The following ULK4 variants were observed in gnomAD, a reference collection of about 807,000 sequenced individuals.
ULK4 encodes unc-51 like kinase 4.
ULK4 carries 133 observed loss-of-function variants against 160.6 expected under a neutral mutation model. The ratio of observed to expected loss-of-function variants is 0.83; its 90% confidence interval spans 0.72 to 0.96. The LOEUF (loss-of-function observed/expected upper bound fraction) is 0.96, where lower values mean the gene tolerates loss of function less well. Ranked by LOEUF, ULK4 falls within the 40% of genes least tolerant of loss-of-function variation. The pLI is 0.00. For synonymous variants in ULK4, 534 were observed against 539.8 expected (o/e 0.99, Z 0.15); for missense variants, 1,580 against 1,499.5 (o/e 1.05, Z -0.89).
At chr3:41,501,019 C>A (rs1005685685) in intron 32 of ULK4, among the ~76,000 whole-genome samples, 1 of 152,062 alleles carries the variant, frequency 6.6e-6, no homozygotes, top group Non-Finnish European at 1.5e-5. Flanking sequence ...CATCAATAGA[C>A]CTCAGGGCGA....
At chr3:41,392,402 G>A (rs1050983974) in intron 35 of ULK4, among the ~76,000 whole-genome samples, 1 of 152,110 alleles carries the variant, frequency 6.6e-6, no homozygotes, top group Non-Finnish European at 1.5e-5. Context: ...TGTAGTTTTA[G>A]AAAGTAATTG....
intron 22 of ULK4, among the ~76,000 whole-genome samples, chr3:41,730,737 C>CA (rs1351926803): frequency 3.3e-5 from 5 of 152,088 alleles, no homozygotes; most frequent in African/African-American, 1.2e-4. Context: ...AAATTGAAGA[C>CA]AAAGAAGTCT....
intron 35 of ULK4, among the ~76,000 whole-genome samples, chr3:41,313,920 G>A (rs1405654496): frequency 2.0e-5 from 3 of 152,176 alleles, no homozygotes; most frequent in Non-Finnish European, 2.9e-5. Context: ...GGGCTCTAGA[G>A]CTCGTGAGAT....
chr3:41,714,723 G>A (rs2037204674), intron 25 of ULK4, among the ~76,000 whole-genome samples: 1 of 151,976 alleles, frequency 6.6e-6, no homozygotes, highest in African/African-American at 2.4e-5. Flanking sequence ...ATAGAGAAAT[G>A]CCATCATAAG....
At chr3:41,528,431 G>A (rs116010465) in intron 32 of ULK4, among the ~76,000 whole-genome samples, 3,402 of 152,260 alleles carry the variant, frequency 0.022, 127 homozygotes, top group African/African-American at 0.076. Context: ...CTACTTGTAA[G>A]ATAATGTTTT....
At chr3:41,494,524 C>T (rs372225977) in intron 32 of ULK4, among the ~76,000 whole-genome samples, 4 of 151,180 alleles carry the variant, frequency 2.6e-5, no homozygotes, top group African/African-American at 9.7e-5. Context: ...TGGCACAAGA[C>T]AGGGATGCCC....
intron 35 of ULK4, among the ~76,000 whole-genome samples, chr3:41,344,160 A>G (rs1297184848): frequency 1.3e-5 from 2 of 152,156 alleles, no homozygotes; most frequent in Non-Finnish European, 2.9e-5. Context: ...AGAGAACTCA[A>G]AAACAAGACC....
intron 31 of ULK4, among the ~76,000 whole-genome samples, chr3:41,613,870 C>T (rs960715146): frequency 1.3e-5 from 2 of 152,166 alleles, no homozygotes; most frequent in Non-Finnish European, 2.9e-5. Flanking sequence ...GAGCACCATC[C>T]CTGACATGCC....
intron 16 of ULK4, among the ~76,000 whole-genome samples, chr3:41,893,939 T>C (rs1254505554): frequency 6.6e-6 from 1 of 152,176 alleles, no homozygotes; most frequent in Non-Finnish European, 1.5e-5. Context: ...AAAACGTCGC[T>C]GGAAGTGGCT....
intron 21 of ULK4, among the ~76,000 whole-genome samples, chr3:41,788,083 G>A (rs2040047819): frequency 6.6e-6 from 1 of 152,004 alleles, no homozygotes; most frequent in African/African-American, 2.4e-5. Flanking sequence ...GCAAAAACTA[G>A]ACACATAGAT....
At chr3:41,692,150 A>G (rs1267293755) in intron 27 of ULK4, among the ~76,000 whole-genome samples, 1 of 151,156 alleles carries the variant, frequency 6.6e-6, no homozygotes, top group Non-Finnish European at 1.5e-5. Flanking sequence ...ACGGAGTTTC[A>G]CCGTGTTAGC....
chr3:41,763,565 C>A (rs1409687756), intron 21 of ULK4, among the ~76,000 whole-genome samples: 1 of 152,134 alleles, frequency 6.6e-6, no homozygotes, highest in Non-Finnish European at 1.5e-5. Context: ...ATATAATATT[C>A]CATTGTGTGA....
chr3:41,435,175 T>C (rs1301741604), intron 34 of ULK4, among the ~76,000 whole-genome samples: 1 of 152,236 alleles, frequency 6.6e-6, no homozygotes, highest in East Asian at 1.9e-4. Context: ...ATAAGTTTAC[T>C]TCTCTGTAAA....
chr3:41,652,541 G>A (rs1201632131), intron 30 of ULK4, among the ~76,000 whole-genome samples: 3 of 152,124 alleles, frequency 2.0e-5, no homozygotes, highest in African/African-American at 7.2e-5. Flanking sequence ...CCAGAACAGG[G>A]CTCAAAATCT....
chr3:41,798,152 G>C (rs966267730), intron 20 of ULK4, among the ~76,000 whole-genome samples: 2 of 151,404 alleles, frequency 1.3e-5, no homozygotes, highest in Non-Finnish European at 3.0e-5. Context: ...GAAGTTATGA[G>C]ACTTTGGTGG....
chr3:41,599,449 A>C (rs1284955385), intron 31 of ULK4, among the ~76,000 whole-genome samples: 1 of 152,192 alleles, frequency 6.6e-6, no homozygotes. Context: ...GGGCATGGAC[A>C]TCTTGGAAGG....
At chr3:41,402,341 TTTTA>T (rs1343940165) in intron 34 of ULK4, among the ~76,000 whole-genome samples, 1 of 152,172 alleles carries the variant, frequency 6.6e-6, no homozygotes, top group Admixed American at 6.5e-5. Flanking sequence ...CGGGTATTCC[TTTTA>T]TTTCTTTCCA....
At chr3:41,449,390 T>C (rs933378760) in intron 34 of ULK4, among the ~76,000 whole-genome samples, 1 of 152,158 alleles carries the variant, frequency 6.6e-6, no homozygotes. Flanking sequence ...GAGGTACTTA[T>C]GGCGTATCCA....
At chr3:41,643,052 T>C (rs2034302842) in intron 30 of ULK4, among the ~76,000 whole-genome samples, 1 of 152,220 alleles carries the variant, frequency 6.6e-6, no homozygotes. Flanking sequence ...GTTTTTTTCT[T>C]GTACATTTCT....
Sources: gnomAD v4.1 joint callset for allele counts (sites outside exome capture counted in the v4.1 genomes callset) on GRCh38, gnomAD v4.1.1 for gene constraint, MANE v1.5 for transcripts, NCBI Gene and HGNC (gene_info 2026-07-23, HGNC 2026-07-21) for gene names.